Variants in GABRG3 observed in about 807,000 individuals in gnomAD.
GABRG3 encodes the protein gamma-aminobutyric acid type A receptor subunit gamma3.
Under a neutral mutation model 48.8 loss-of-function variants are expected in GABRG3, and 25 were observed. The ratio of observed to expected loss-of-function variants is 0.51; its 90% CI spans 0.37 to 0.72. The LOEUF is 0.72. Ranked by LOEUF, GABRG3 falls within the 30% of genes least tolerant of loss-of-function variation. The pLI is 0.00. For synonymous variants in GABRG3, 227 were observed against 217.6 expected (o/e 1.04, Z -0.38); for missense variants, 394 against 577.9 (o/e 0.68, Z 3.26).
intron 3 of GABRG3, among the ~76,000 whole-genome samples, chr15:27,084,814 G>A (rs989671766): frequency 1.3e-5 from 2 of 152,166 alleles, no homozygotes; most frequent in African/African-American, 4.8e-5. Flanking sequence ...GTCTCCAGGG[G>A]GGTGCCACTC....
At position 27,180,739 on chromosome 15, in the gene GABRG3, A is replaced by G. The variant is rs1887904306; in HGVS notation, c.271-146070A>G. ...ACCTATTTTCTTTAATTATTTTACT[A>G]ATTTCTACTTGATACCTCCTGGCCC... On this transcript the variant is annotated intron_variant, in intron 3 of 9. Transcript: ENST00000615808. The surrounding 1 kb of genome is among the most constrained non-coding windows in gnomAD (Gnocchi z 4.2). Among the ~76,000 whole-genome samples the G allele has an allele frequency of 1.3e-5, 2 of 152,146 alleles. No individual in the cohort carries two copies. Among genetic ancestry groups the G allele is most frequent in the African/African-American group, 2.4e-5 (1 of 41,410 alleles).
intron 3 of GABRG3, among the ~76,000 whole-genome samples, chr15:27,133,905 T>C (rs1897963625): frequency 6.6e-6 from 1 of 152,224 alleles, no homozygotes; most frequent in Admixed American, 6.5e-5. Flanking sequence ...GTAAAACAGT[T>C]CTCACAGAGG....
intron 6 of GABRG3, among the ~76,000 whole-genome samples, chr15:27,516,226 G>T (rs986473575): frequency 6.6e-6 from 1 of 151,666 alleles, no homozygotes; most frequent in African/African-American, 2.4e-5. Flanking sequence ...TGAAGAAAAA[G>T]GTCTTTAAAT....
At chr15:27,433,103 G>A (rs1888504804) in intron 5 of GABRG3, among the ~76,000 whole-genome samples, 1 of 152,192 alleles carries the variant, frequency 6.6e-6, no homozygotes, top group South Asian at 2.1e-4. Context: ...TACCAGAGTT[G>A]CTAGTGACCA....
At chr15:27,413,618 A>T (rs1015816704) in intron 5 of GABRG3, among the ~76,000 whole-genome samples, 1 of 152,132 alleles carries the variant, frequency 6.6e-6, no homozygotes, top group Non-Finnish European at 1.5e-5. Flanking sequence ...CCTTTTTTTT[A>T]AAACTGCATT....
chr15:27,399,864 G>A (rs1233124963), intron 5 of GABRG3, among the ~76,000 whole-genome samples: 3 of 152,238 alleles, frequency 2.0e-5, no homozygotes, highest in African/African-American at 7.2e-5. Flanking sequence ...TTAAATACCC[G>A]CATTTTACTA....
At chr15:27,197,317 C>T (rs781359055) in intron 3 of GABRG3, among the ~76,000 whole-genome samples, 23 of 152,112 alleles carry the variant, frequency 1.5e-4, no homozygotes, top group Non-Finnish European at 2.9e-4. Flanking sequence ...GTTAGCTACC[C>T]GCTTCTGCCC....
intron 3 of GABRG3, among the ~76,000 whole-genome samples, chr15:27,147,215 T>C (rs984377845): frequency 1.4e-4 from 22 of 152,066 alleles, no homozygotes; most frequent in African/African-American, 5.3e-4. Context: ...GTGTATATAA[T>C]ATTAATGTAT....
chr15:27,034,815 A>G (rs1318339991), intron 3 of GABRG3, among the ~76,000 whole-genome samples: 1 of 152,216 alleles, frequency 6.6e-6, no homozygotes, highest in East Asian at 1.9e-4. Flanking sequence ...TCTCACGTGC[A>G]TGCCTGCTAG....
At chr15:27,092,894 T>A (rs542523706) in intron 3 of GABRG3, among the ~76,000 whole-genome samples, 106 of 151,932 alleles carry the variant, frequency 7.0e-4, no homozygotes, top group African/African-American at 2.3e-3. Flanking sequence ...ATCCACAGGG[T>A]CTTCTCCTTG....
chr15:27,260,098 CG>C (rs1359486876), intron 3 of GABRG3, among the ~76,000 whole-genome samples: 8 of 152,122 alleles, frequency 5.3e-5, no homozygotes. Context: ...CTAGTCTGCC[CG>C]GGCTGCTATA....
chr15:27,528,767 T>C (rs1473579919), intron 9 of GABRG3, among the ~76,000 whole-genome samples: 1 of 152,210 alleles, frequency 6.6e-6, no homozygotes, highest in Non-Finnish European at 1.5e-5. Context: ...CTTTTAAATA[T>C]TTTTTAACTT....
chr15:27,057,845 TAAAG>T (rs1032742475), intron 3 of GABRG3, among the ~76,000 whole-genome samples: 1 of 152,092 alleles, frequency 6.6e-6, no homozygotes, highest in African/African-American at 2.4e-5. Flanking sequence ...GATGAAGAAA[TAAAG>T]GAAGTTTCCA....
At chr15:27,354,472 G>T (rs906966258) in intron 5 of GABRG3, among the ~76,000 whole-genome samples, 1 of 152,122 alleles carries the variant, frequency 6.6e-6, no homozygotes, top group South Asian at 2.1e-4. Flanking sequence ...GGCACCACCC[G>T]TCCCCAATCT....
intron 3 of GABRG3, among the ~76,000 whole-genome samples, chr15:27,100,770 A>G (rs191018726): frequency 3.9e-5 from 6 of 152,342 alleles, no homozygotes; most frequent in Admixed American, 6.5e-5. Context: ...ACAAAATATA[A>G]TACTTATTCA....
At chr15:27,199,267 C>T (rs144535828) in intron 3 of GABRG3, among the ~76,000 whole-genome samples, 4 of 152,250 alleles carry the variant, frequency 2.6e-5, no homozygotes, top group Non-Finnish European at 4.4e-5. Context: ...TGGTCCTGGA[C>T]GGGATGCACT....
intron 3 of GABRG3, among the ~76,000 whole-genome samples, chr15:27,044,208 A>C (rs1896325798): frequency 6.6e-6 from 1 of 152,206 alleles, no homozygotes; most frequent in African/African-American, 2.4e-5. Context: ...GATATACTCA[A>C]AGCCTGAATG....
chr15:27,319,583 A>G lies in GABRG3; in HGVS notation c.271-7226A>G, dbSNP rs1893349471. On this transcript the variant is annotated intron_variant, in intron 3 of 9. Coordinates refer to ENST00000615808, the MANE Select transcript of GABRG3 (RefSeq NM_033223.5). This position sits in a 1 kb window ranked among gnomAD's most constrained non-coding sequence, Gnocchi z 4.4. The stretch of plus-strand genomic sequence containing the variant: ...GGGGCAGGCTGTTGGCAAATATGCC[A>G]ATGCCACGGGAAGATGGCAGACAGG... Among the ~76,000 whole-genome samples the G allele has an allele frequency of 2.0e-5, 3 of 152,186 alleles. No homozygotes were observed. The highest frequency in any genetic ancestry group is 6.5e-5 in the Admixed American group (1 of 15,278).
chr15:27,413,388 T>A (rs1050663895), intron 5 of GABRG3, among the ~76,000 whole-genome samples: 1 of 147,864 alleles, frequency 6.8e-6, no homozygotes, highest in Non-Finnish European at 1.5e-5. Flanking sequence ...TTCACTAGAA[T>A]TAGAGATATT....
Sources: gnomAD v4.1 joint callset for allele counts (sites outside exome capture counted in the v4.1 genomes callset) on GRCh38, gnomAD v4.1.1 for gene constraint, Gnocchi (gnomAD v3.1) non-coding constraint, MANE v1.5 for transcripts, NCBI Gene and HGNC (gene_info 2026-07-23, HGNC 2026-07-21) for gene names.